Variants in VAT1L observed in about 807,000 individuals in gnomAD.
The protein encoded by VAT1L is vesicle amine transport 1 like, also known as putative NADPH-dependent quinone oxidoreductase VAT1L.
A neutral mutation model predicts 44.1 loss-of-function variants in VAT1L; 34 were observed. That is an observed-to-expected ratio of 0.77 (90% confidence interval 0.59 to 1.03). The LOEUF (loss-of-function observed/expected upper bound fraction) is 1.03. Ranked by LOEUF, VAT1L falls within the 50% of genes least tolerant of loss-of-function variation. The pLI, the probability that VAT1L is intolerant of heterozygous loss-of-function variation, is 0.00. For synonymous variants in VAT1L, 253 were observed against 202.2 expected (o/e 1.25, Z -2.13); for missense variants, 615 against 538.8 (o/e 1.14, Z -1.40).
intron 7 of VAT1L, among the ~76,000 whole-genome samples, chr16:77,907,058 G>A (rs1414070761): frequency 2.6e-5 from 4 of 152,178 alleles, no homozygotes; most frequent in Non-Finnish European, 4.4e-5. Context: ...TGAAATGCTG[G>A]TAAATATTAA....
At chr16:77,921,563 G>A (rs2017612307) in intron 7 of VAT1L, among the ~76,000 whole-genome samples, 1 of 152,118 alleles carries the variant, frequency 6.6e-6, no homozygotes, top group Admixed American at 6.5e-5. Flanking sequence ...GCACTCTCCT[G>A]TAAACCTATG....
Position 77,862,729 on chromosome 16 carries a change from T to A in VAT1L, c.580-19T>A, listed in dbSNP as rs1450933415. On this transcript the variant is annotated intron_variant, in intron 3 of 8. Transcript: ENST00000302536. Reference sequence around the variant, plus strand: ...TGGTGGCTCCTATGTGTGACATAGCTATTGTCTTTTCCTTCCAGGGTCAAG... The same window carrying A: ...TGGTGGCTCCTATGTGTGACATAGCAATTGTCTTTTCCTTCCAGGGTCAAG... The A allele has an allele frequency of 1.2e-6, 2 of 1,610,690 alleles. No individual in the cohort carries two copies. Among genetic ancestry groups the A allele is most frequent in the South Asian group, 2.2e-5 (2 of 90,540 alleles).
chr16:77,947,814 C>T (rs889141585), intron 7 of VAT1L, among the ~76,000 whole-genome samples: 3 of 152,224 alleles, frequency 2.0e-5, no homozygotes, highest in Non-Finnish European at 4.4e-5. Flanking sequence ...GGAGTTTGCG[C>T]AATGGCATGA....
chr16:77,958,575 C>T (rs2018128649), intron 7 of VAT1L, among the ~76,000 whole-genome samples: 1 of 151,960 alleles, frequency 6.6e-6, no homozygotes, highest in African/African-American at 2.4e-5. Flanking sequence ...AGGGAATTCA[C>T]CAGATTTTTT....
At chr16:77,869,300 AAAT>A (rs1193841152) in intron 4 of VAT1L, among the ~76,000 whole-genome samples, 2 of 152,232 alleles carry the variant, frequency 1.3e-5, no homozygotes, top group Non-Finnish European at 2.9e-5. Flanking sequence ...TAGACAAGAT[AAAT>A]ACAGTGTGAG....
intron 7 of VAT1L, among the ~76,000 whole-genome samples, chr16:77,940,494 C>T (rs1353949539): frequency 1.3e-5 from 2 of 151,954 alleles, no homozygotes; most frequent in Non-Finnish European, 2.9e-5. Context: ...CAGGCACGTG[C>T]TACCATGCCT....
chr16:77,938,687 T>A (rs895585036), intron 7 of VAT1L, among the ~76,000 whole-genome samples: 2 of 152,232 alleles, frequency 1.3e-5, no homozygotes, highest in African/African-American at 4.8e-5. Context: ...GCCAAGCAGA[T>A]GCCAGCCTCA....
chr16:77,788,937 C>T lies in VAT1L; in HGVS notation c.233+22C>T, dbSNP rs999565312. On this transcript the variant is annotated intron_variant, in intron 1 of 8. Coordinates refer to ENST00000302536, the MANE Select transcript of VAT1L (RefSeq NM_020927.3). ...CCTGGTCCAGTATCCGCGCCTTTCT[C>T]GCTTTCTCTCTTTTTGCGCGCTGGG... The T allele has an allele frequency of 2.8e-6, 4 of 1,451,624 alleles. No homozygotes were observed. The African/African-American group carries it at 5.8e-5, about 21-fold the overall frequency. 89.9% of individuals were successfully genotyped at this position (1,451,624 alleles called of 1,614,324 possible).
chr16:77,934,718 T>A (rs115448311), intron 7 of VAT1L, among the ~76,000 whole-genome samples: 1 of 152,172 alleles, frequency 6.6e-6, no homozygotes, highest in Non-Finnish European at 1.5e-5. Flanking sequence ...AACTAGGAGT[T>A]AGAGCAGAGA....
chr16:77,962,021 G>T (rs1195388957), intron 7 of VAT1L, among the ~76,000 whole-genome samples: 1 of 152,124 alleles, frequency 6.6e-6, no homozygotes, highest in Non-Finnish European at 1.5e-5. Flanking sequence ...GGTCAGCTGT[G>T]AGTCATCTCT....
rs1009327916 is a variant in VAT1L, at chr16:77,846,186, G to A, written c.580-16562G>A. Among the ~76,000 whole-genome samples the A allele has an allele frequency of 2.0e-5, 3 of 152,166 alleles. No homozygotes were observed. The East Asian group carries it at 5.8e-4, about 29-fold the overall frequency. On this transcript the variant is annotated intron_variant, in intron 3 of 8. Coordinates refer to ENST00000302536, the MANE Select transcript of VAT1L (RefSeq NM_020927.3). Reference sequence around the variant, plus strand: ...ATACATTAGTATGTAGAATTAATAAGTGAGTACATTGTCATCAACATGTGA... The same window carrying A: ...ATACATTAGTATGTAGAATTAATAAATGAGTACATTGTCATCAACATGTGA...
chr16:77,933,164 A>G (rs1379807183), intron 7 of VAT1L, among the ~76,000 whole-genome samples: 1 of 152,214 alleles, frequency 6.6e-6, no homozygotes, highest in Non-Finnish European at 1.5e-5. Flanking sequence ...TACTTCAACT[A>G]TCACTCCTTG....
At chr16:77,816,587 A>G (rs1354689521) in intron 1 of VAT1L, among the ~76,000 whole-genome samples, 1 of 152,228 alleles carries the variant, frequency 6.6e-6, no homozygotes, top group Non-Finnish European at 1.5e-5. Flanking sequence ...TAGCCAGGCT[A>G]GTCAATATGT....
At chr16:77,949,043 C>A (rs2018007438) in intron 7 of VAT1L, among the ~76,000 whole-genome samples, 1 of 152,200 alleles carries the variant, frequency 6.6e-6, no homozygotes, top group African/African-American at 2.4e-5. Flanking sequence ...TATCAGTAAT[C>A]TGTATCTATC....
At chr16:77,948,845 T>C (rs2018005022) in intron 7 of VAT1L, among the ~76,000 whole-genome samples, 1 of 152,158 alleles carries the variant, frequency 6.6e-6, no homozygotes, top group South Asian at 2.1e-4. Context: ...ATGAGGATAA[T>C]TATGGTACAT....
intron 3 of VAT1L, among the ~76,000 whole-genome samples, chr16:77,852,258 C>A (rs1168570854): frequency 2.0e-5 from 3 of 152,216 alleles, no homozygotes; most frequent in Non-Finnish European, 4.4e-5. Flanking sequence ...TCCCGTAGGC[C>A]CGGGCTCATG....
At chr16:77,953,359 A>G (rs1714478663) in intron 7 of VAT1L, among the ~76,000 whole-genome samples, 1 of 152,196 alleles carries the variant, frequency 6.6e-6, no homozygotes, top group Non-Finnish European at 1.5e-5. Flanking sequence ...ATGTGTTCCT[A>G]ATTTTAATGA....
chr16:77,892,175 C>G (rs2017273553), intron 7 of VAT1L, among the ~76,000 whole-genome samples: 1 of 152,186 alleles, frequency 6.6e-6, no homozygotes, highest in Non-Finnish European at 1.5e-5. Flanking sequence ...AACTTCAACT[C>G]TAGCACCAGA....
At chr16:77,962,932 A>C (rs1471237600) in intron 7 of VAT1L, among the ~76,000 whole-genome samples, 1 of 152,086 alleles carries the variant, frequency 6.6e-6, no homozygotes, top group African/African-American at 2.4e-5. Context: ...GACAATAGAT[A>C]GTGATCCTGC....
Sources: gnomAD v4.1 joint callset for allele counts (sites outside exome capture counted in the v4.1 genomes callset) on GRCh38, gnomAD v4.1.1 for gene constraint, MANE v1.5 for transcripts, NCBI Gene and HGNC (gene_info 2026-07-23, HGNC 2026-07-21) for gene names.